Variants in SHQ1 observed in about 807,000 individuals in gnomAD.
The protein encoded by SHQ1 is SHQ1, H/ACA ribonucleoprotein assembly factor.
Under a neutral mutation model 53.8 loss-of-function variants are expected in SHQ1, and 49 were observed. The observed-to-expected ratio is 0.91, with a 90% CI of 0.72 to 1.16. The LOEUF (loss-of-function observed/expected upper bound fraction) is 1.16, where lower values mean the gene tolerates loss of function less well. Ranked by LOEUF, SHQ1 falls within the 50% of genes most tolerant of loss-of-function variation. SHQ1 has a pLI of 0.00. For synonymous variants in SHQ1, 243 were observed against 251.0 expected, an observed-to-expected ratio of 0.97 and a Z score of 0.30; for missense variants, 738 against 683.1, an observed-to-expected ratio of 1.08 and a Z score of -0.90.
chr3:72,755,269 T>C (rs537341262), intron 10 of SHQ1, among the ~76,000 whole-genome samples: 5 of 150,292 alleles, frequency 3.3e-5, no homozygotes, highest in Middle Eastern at 3.4e-3. Context: ...GATGGATAGA[T>C]GGATAGATGG....
intron 9 of SHQ1, among the ~76,000 whole-genome samples, chr3:72,811,251 T>C (rs898325054): frequency 1.3e-5 from 2 of 152,132 alleles, no homozygotes; most frequent in East Asian, 3.9e-4. Flanking sequence ...CTGGAAGCCA[T>C]GATATAACAG....
At chr3:72,792,176 G>A (rs951087479) in intron 10 of SHQ1, among the ~76,000 whole-genome samples, 3 of 152,094 alleles carry the variant, frequency 2.0e-5, no homozygotes, top group Non-Finnish European at 4.4e-5. Context: ...GATGCAGTTT[G>A]CATACTAAAA....
intron 9 of SHQ1, among the ~76,000 whole-genome samples, chr3:72,799,118 T>C (rs1706712361): frequency 6.6e-6 from 1 of 150,912 alleles, no homozygotes; most frequent in African/African-American, 2.4e-5. Flanking sequence ...AACCTGGGAG[T>C]CTGAGACCGG....
chr3:72,815,964 C>T (rs1707302052), intron 7 of SHQ1, among the ~76,000 whole-genome samples: 2 of 152,116 alleles, frequency 1.3e-5, no homozygotes, highest in African/African-American at 4.8e-5. Flanking sequence ...CTCATCTTTT[C>T]AAGATTTAAT....
At chr3:72,827,492 A>G (rs1267554897) in intron 5 of SHQ1, among the ~76,000 whole-genome samples, 10 of 152,060 alleles carry the variant, frequency 6.6e-5, no homozygotes. Context: ...GAAGGGAAAA[A>G]GAAAACTGGC....
At position 72,758,051 on chromosome 3, in the gene SHQ1, C is replaced by A. The variant is rs150305124; in HGVS notation, c.1182-7215G>T. Reference sequence around the variant, plus strand: ...TCTATTGAAAAGAACCAGTTCCATACTTTAGGTTCCTTGGCCCAAAACACA... The same window carrying A: ...TCTATTGAAAAGAACCAGTTCCATAATTTAGGTTCCTTGGCCCAAAACACA... On this transcript the variant is annotated intron_variant, in intron 10 of 10. Transcript: ENST00000325599. Among the ~76,000 whole-genome samples, 710 of 152,300 alleles carry A rather than the reference C, an allele frequency of 4.7e-3. 2 individuals are homozygous for A. Among genetic ancestry groups the A allele is most frequent in the African/African-American group, 0.015 (611 of 41,542 alleles).
chr3:72,750,918 T>A, intron 10 of SHQ1, 82 bp from the exon 11 acceptor site: 1 of 1,163,326 alleles, frequency 8.6e-7, no homozygotes, highest in East Asian at 2.6e-5. Flanking sequence ...TCCAAAAAAA[T>A]AAAGTTGAAT....
downstream of SHQ1, among the ~76,000 whole-genome samples, chr3:72,746,016 T>C (rs1437386726): frequency 1.3e-5 from 2 of 152,070 alleles, no homozygotes; most frequent in Non-Finnish European, 2.9e-5. Flanking sequence ...AAGTTGTTTG[T>C]ATTTTTAGTA....
intron 5 of SHQ1, among the ~76,000 whole-genome samples, chr3:72,826,027 A>T (rs1192430754): frequency 1.3e-5 from 2 of 152,222 alleles, no homozygotes; most frequent in African/African-American, 4.8e-5. Context: ...TGAGGCTCAG[A>T]AAAGTTTTGT....
intron 1 of SHQ1, chr3:72,846,248 A>G: frequency 1.3e-6 from 2 of 1,535,468 alleles, no homozygotes; most frequent in South Asian, 2.4e-5. Context: ...TCCATTCTTC[A>G]AGGAGAGGGA....
chr3:72,807,980 A>G (rs1321261330), intron 9 of SHQ1, among the ~76,000 whole-genome samples: 2 of 152,212 alleles, frequency 1.3e-5, no homozygotes, highest in East Asian at 1.9e-4. Context: ...GGTAGCTACT[A>G]TTCATCAGAC....
At chr3:72,778,858 G>A (rs1257533107) in intron 10 of SHQ1, among the ~76,000 whole-genome samples, 2 of 152,128 alleles carry the variant, frequency 1.3e-5, no homozygotes, top group Non-Finnish European at 2.9e-5. Flanking sequence ...TCCAAAATTA[G>A]GTTTTATCAT....
At chr3:72,838,643 G>A (rs1213157643) in intron 4 of SHQ1, among the ~76,000 whole-genome samples, 2 of 152,142 alleles carry the variant, frequency 1.3e-5, no homozygotes, top group Non-Finnish European at 2.9e-5. Context: ...GGGATTACAG[G>A]CATGCGCCAC....
intron 10 of SHQ1, among the ~76,000 whole-genome samples, chr3:72,763,150 G>T (rs943134980): frequency 2.0e-5 from 3 of 151,554 alleles, no homozygotes; most frequent in Non-Finnish European, 4.4e-5. Flanking sequence ...CAATTATCTG[G>T]TTAAGTAAAA....
intron 4 of SHQ1, among the ~76,000 whole-genome samples, chr3:72,835,696 T>C (rs1272188975): frequency 6.6e-6 from 1 of 152,208 alleles, no homozygotes; most frequent in Non-Finnish European, 1.5e-5. Flanking sequence ...TTCACCGTCC[T>C]CTTCTGGCTC....
At chr3:72,775,460 T>A (rs1247055738) in intron 10 of SHQ1, among the ~76,000 whole-genome samples, 1 of 111,934 alleles carries the variant, frequency 8.9e-6, no homozygotes, top group Non-Finnish European at 1.9e-5. Flanking sequence ...ACACAATGGC[T>A]TTTTTTTTTT....
At chr3:72,841,321 A>G in intron 3 of SHQ1, 122 bp from the exon 4 acceptor site, 1 of 715,672 alleles carries the variant, frequency 1.4e-6, no homozygotes, top group South Asian at 2.3e-5. Context: ...ATGTACTAAA[A>G]GAATATTCAT....
At chr3:72,772,440 A>G in intron 10 of SHQ1, 1 of 410,768 alleles carries the variant, frequency 2.4e-6, no homozygotes, top group Non-Finnish European at 4.6e-6. Flanking sequence ...CAGTTCAAAG[A>G]TGAGATTGTC....
rs749392613 is a variant in SHQ1 at position 72,844,406 on chromosome 3, C to T, written c.161G>A (p.Arg54Lys). The change falls in exon 2 of 11, where the codon AGA becomes AAA. Residue 54 changes from arginine to lysine, a missense_variant. Arg to Lys is a conservative substitution (Grantham distance 26, BLOSUM62 2). Transcript: ENST00000325599. ...PYFLRLTLPG[R>K]IVENGSEQGS... ...TTGCTCACTTCCATTTTCTACAATT[C>T]TTCCAGGAAGGGTTAATCTGCAGAT... 6 of 1,613,788 alleles carry T rather than the reference C, an allele frequency of 3.7e-6. No homozygotes were observed. In the East Asian group the frequency reaches 1.3e-4, roughly 36 times the overall value.
Sources: gnomAD v4.1 joint callset for allele counts (sites outside exome capture counted in the v4.1 genomes callset) on GRCh38, gnomAD v4.1.1 for gene constraint, MANE v1.5 for transcripts, NCBI Gene and HGNC (gene_info 2026-07-23, HGNC 2026-07-21) for gene names.